The following ZFX variants were observed in gnomAD, a reference collection of about 807,000 sequenced individuals.
ZFX encodes the protein zinc finger X-chromosomal protein.
For missense variants in ZFX, 362 were observed against 628.3 expected, an observed-to-expected ratio of 0.58 and a Z score of 4.53; for synonymous variants, 196 against 226.8, an observed-to-expected ratio of 0.86 and a Z score of 1.22.
At chrX:24,185,928 T>A (rs1283298239) in intron 5 of ZFX, among the ~76,000 whole-genome samples, 2 of 107,197 alleles carry the variant, frequency 1.9e-5, no homozygotes, top group African/African-American at 3.4e-5. Flanking sequence ...AATGAGACCC[T>A]GTTTCTTAAA....
At chrX:24,163,280 T>TA (rs1341940648) in intron 3 of ZFX, among the ~76,000 whole-genome samples, 2 of 86,809 alleles carry the variant, frequency 2.3e-5, no homozygotes, top group Non-Finnish European at 4.3e-5. Context: ...TTTTTTTTTT[T>TA]ACATGACGGA....
At chrX:24,166,178 T>C (rs886414932) in intron 3 of ZFX, among the ~76,000 whole-genome samples, 1 of 112,518 alleles carries the variant, frequency 8.9e-6, no homozygotes, top group African/African-American at 3.2e-5. Flanking sequence ...AATAGAAGCT[T>C]TGAGAAAATA....
chrX:24,211,595 C>G lies in ZFX; in HGVS notation c.*219C>G. 1 of 404,684 alleles carries G rather than the reference C, an allele frequency of 2.5e-6. No individual in the cohort carries two copies. Among genetic ancestry groups the G allele is most frequent in the Non-Finnish European group, 4.2e-6 (1 of 240,501 alleles). The allele number at this position is 404,684 out of a possible 1,213,427, so 33.4% of individuals were successfully genotyped here. On this transcript the variant is annotated 3_prime_UTR_variant, in exon 10 of 10. Transcript: ENST00000304543. Reference sequence around the variant, plus strand: ...TTTAATAAATAGGGAAAACTGGCAACATGCTAGTTACTTTTAATAAAGTAA... The same window carrying G: ...TTTAATAAATAGGGAAAACTGGCAAGATGCTAGTTACTTTTAATAAAGTAA...
intron 3 of ZFX, among the ~76,000 whole-genome samples, chrX:24,160,323 G>T (rs772882301): frequency 2.1e-5 from 2 of 94,492 alleles, no homozygotes; most frequent in South Asian, 1.0e-3. Context: ...TTTTGAGAGC[G>T]GGTCTCGCTC....
intron 3 of ZFX, among the ~76,000 whole-genome samples, chrX:24,166,319 C>G (rs1933993383): frequency 8.9e-6 from 1 of 112,258 alleles, no homozygotes; most frequent in South Asian, 3.6e-4. Context: ...AAAACTAATA[C>G]AAAAACTTGG....
intron 5 of ZFX, among the ~76,000 whole-genome samples, chrX:24,203,455 G>A (rs1262496142): frequency 1.8e-5 from 2 of 112,299 alleles, no homozygotes; most frequent in Non-Finnish European, 3.8e-5. Flanking sequence ...GAGGCAGGGC[G>A]CCCCTAAATC....
chrX:24,167,091 C>T (rs1934070964), intron 3 of ZFX, among the ~76,000 whole-genome samples: 1 of 111,962 alleles, frequency 8.9e-6, no homozygotes, highest in Non-Finnish European at 1.9e-5. Flanking sequence ...ATTCAGCTCT[C>T]TGAATTGCTT....
intron 3 of ZFX, among the ~76,000 whole-genome samples, chrX:24,167,578 C>G (rs1353886898): frequency 2.7e-5 from 3 of 109,981 alleles, no homozygotes; most frequent in African/African-American, 9.9e-5. Flanking sequence ...CCGTGTCCAC[C>G]CAAAAAAGAA....
At position 24,206,198 on chromosome X, in the gene ZFX, TGTG is replaced by T. The variant is rs775034004; in HGVS notation, c.647-1124_647-1122del. Among the ~76,000 whole-genome samples, 3 of 112,554 alleles carry T rather than the reference TGTG, an allele frequency of 2.7e-5. No homozygotes were observed. In the East Asian group the frequency reaches 8.3e-4, roughly 31 times the overall value. On this transcript the variant is annotated intron_variant, in intron 5 of 9. Coordinates refer to ENST00000304543, the MANE Select transcript of ZFX (RefSeq NM_003410.4). ...CTGAATTTCCATTGACCAATCTCAT[TGTG>T]GTGTACCTTTCTGGCAATCATGTTT...
At chrX:24,203,066 T>C (rs1329686280) in intron 5 of ZFX, among the ~76,000 whole-genome samples, 1 of 111,893 alleles carries the variant, frequency 8.9e-6, no homozygotes, top group African/African-American at 3.3e-5. Flanking sequence ...TAATCAAACA[T>C]GCAGGAAGAG....
In ZFX at chrX:24,208,903, A is replaced by T; in HGVS notation, c.1097A>T (p.Asn366Ile). 1 of 1,211,461 alleles carries T rather than the reference A, an allele frequency of 8.3e-7. No homozygotes were observed. The highest frequency in any genetic ancestry group is 1.1e-6 in the Non-Finnish European group (1 of 895,255). ...MPIAWAAAYGNNSDGIENRNG... is the reference protein window; with the variant it reads ...MPIAWAAAYGINSDGIENRNG... ...GTTTTTTAATACACATTGTTAGGTA[A>T]TAATTCTGATGGAATTGAAAACCGG... Residue 366 changes from asparagine to isoleucine, a missense_variant, in exon 9 of 10, where the codon AAT becomes ATT. Coordinates refer to ENST00000304543, the MANE Select transcript of ZFX (RefSeq NM_003410.4).
rs1937820327 is a variant in ZFX, at chrX:24,208,848, T to G, written c.1094-52T>G. 5 of 1,105,643 alleles carry G rather than the reference T, an allele frequency of 4.5e-6. No individual in the cohort carries two copies. In the South Asian group the frequency reaches 1.0e-4, roughly 23 times the overall value. The allele number at this position is 1,105,643 out of a possible 1,213,427, so 91.1% of individuals were successfully genotyped here. The stretch of plus-strand genomic sequence containing the variant: ...TTGTAGTTAATGAAGAATTCCTAAT[T>G]CTTTAAAATTTATAATACTGTATAA... On this transcript the variant is annotated intron_variant, in intron 8 of 9. Coordinates refer to ENST00000304543, the MANE Select transcript of ZFX (RefSeq NM_003410.4).
At position 24,169,593 on chromosome X, in the gene ZFX, T is replaced by TTA. The variant is rs1555908554; in HGVS notation, c.-28-3122_-28-3121insTA. 4.5e-4 allele frequency among the ~76,000 whole-genome samples: 39 copies of TTA among 87,018 alleles called. No individual in the cohort carries two copies. The South Asian group carries it at 0.022, about 49-fold the overall frequency. The allele number at this position is 87,018 out of a possible 115,157, so 75.6% of individuals were successfully genotyped here. On this transcript the variant is annotated intron_variant, in intron 3 of 9. Transcript: ENST00000304543. ...CTGAGTGGGAATGCTAACTAGGAAT[T>TTA]AAAAAAAAAAAAAAAAGATTCTTGA... is the stretch of plus-strand genomic sequence containing the variant.
chrX:24,153,300 G>GT (rs1203611767), intron 3 of ZFX, among the ~76,000 whole-genome samples: 9 of 111,428 alleles, frequency 8.1e-5, no homozygotes, highest in African/African-American at 2.9e-4. Flanking sequence ...AAAGAGCCAA[G>GT]TCTCCCCTCC....
At chrX:24,157,666 T>C (rs1385398474) in intron 3 of ZFX, among the ~76,000 whole-genome samples, 1 of 112,419 alleles carries the variant, frequency 8.9e-6, no homozygotes, top group African/African-American at 3.2e-5. Context: ...TCACCAACAC[T>C]CTTATTGGCA....
chrX:24,196,270 G>A (rs779647316), intron 5 of ZFX, among the ~76,000 whole-genome samples: 1 of 110,920 alleles, frequency 9.0e-6, no homozygotes, highest in South Asian at 3.8e-4. Flanking sequence ...GCACCAACAC[G>A]CCCGGCTAAT....
chrX:24,203,848 G>A (rs1476337752), intron 5 of ZFX, among the ~76,000 whole-genome samples: 1 of 112,186 alleles, frequency 8.9e-6, no homozygotes. Context: ...ATATTTGCCA[G>A]TCATTTCAGA....
intron 5 of ZFX, 125 bp downstream of exon 5, chrX:24,179,895 T>C: frequency 1.6e-6 from 1 of 642,558 alleles, no homozygotes; most frequent in East Asian, 3.3e-5. Context: ...CCTACCTGCA[T>C]TGTTGTTTCC....
At position 24,149,896 on chromosome X, in the gene ZFX, G is replaced by C. The variant is rs953226576; in HGVS notation, c.-250+102G>C. Reference sequence around the variant, plus strand: ...GCAAGGCGCCCTCCCGCGCTAGGCCGGGCGGCGTGGCGCGCGGCGCCGAGC... The same window carrying C: ...GCAAGGCGCCCTCCCGCGCTAGGCCCGGCGGCGTGGCGCGCGGCGCCGAGC... On this transcript the variant is annotated intron_variant, in intron 1 of 9. Coordinates refer to ENST00000304543, the MANE Select transcript of ZFX (RefSeq NM_003410.4). The C allele has an allele frequency of 5.5e-5, 6 of 108,977 alleles. No homozygotes were observed. In the Admixed American group the frequency reaches 5.7e-4, roughly 10 times the overall value. 9.0% of individuals were successfully genotyped at this position (108,977 alleles called of 1,213,427 possible).
Sources: gnomAD v4.1 joint callset for allele counts (sites outside exome capture counted in the v4.1 genomes callset) on GRCh38, gnomAD v4.1.1 for gene constraint, MANE v1.5 for transcripts, NCBI Gene and HGNC (gene_info 2026-07-23, HGNC 2026-07-21) for gene names.